TMEM179B: variants seen among roughly 807,000 people sequenced by gnomAD.
TMEM179B encodes transmembrane protein 179B.
TMEM179B carries 13 observed loss-of-function variants against 18.0 expected under a neutral mutation model. The ratio of observed to expected loss-of-function variants is 0.72; its 90% CI spans 0.47 to 1.15. The LOEUF is 1.15. Ranked by LOEUF, TMEM179B falls within the 50% of genes most tolerant of loss-of-function variation. The pLI is 0.00. For synonymous variants in TMEM179B, 159 were observed against 117.5 expected, an observed-to-expected ratio of 1.35 and a Z score of -2.29; for missense variants, 320 against 270.6, an observed-to-expected ratio of 1.18 and a Z score of -1.28.
chr11:62,789,553 G>T (rs373442238), intron 3 of TMEM179B, 48 bp from the exon 4 acceptor site: 2 of 1,556,844 alleles, frequency 1.3e-6, no homozygotes, highest in South Asian at 2.4e-5. Context: ...GGTGTGCCTC[G>T]GATATAAACT....
Position 62,787,480 on chromosome 11 carries a change from GC to G in TMEM179B, c.51del (p.Phe18SerfsTer11). On this transcript the variant is annotated frameshift_variant, in exon 1 of 5. Coordinates refer to ENST00000333449, the MANE Select transcript of TMEM179B (RefSeq NM_199337.3). LOFTEE classifies it high-confidence loss of function. ...CGTCGAGCTTGCGCTCTTTGCTGCC[GC>G]CTTCCTGTGCGGGGCCGTGGCGGCC... ...QRVELALFAA[A>X]FLCGAVAAAA... The G allele has an allele frequency of 1.9e-6, 3 of 1,578,288 alleles. No individual in the cohort carries two copies. Among genetic ancestry groups the G allele is most frequent in the Non-Finnish European group, 2.6e-6 (3 of 1,169,746 alleles).
rs772937136 is a variant in TMEM179B, at chr11:62,789,927, G to C, written c.540G>C (p.Leu180Phe). Residue 180 changes from leucine to phenylalanine, a missense_variant, in exon 5 of 5, where the codon TTG (leucine) becomes TTC (phenylalanine). Physicochemically the swap from Leu to Phe is conservative, Grantham distance 22. Transcript: ENST00000333449. ...WVNLVLWCVV[L>F]VLQVVQWKSE... is the part of the protein sequence containing the mutation. ...ATTTGGTATTGTGGTGTGTGGTCTT[G>C]GTGCTCCAGGTCGTGCAGTGGAAGT... 4 of 1,613,984 alleles carry C rather than the reference G, an allele frequency of 2.5e-6. No individual in the cohort carries two copies. Among genetic ancestry groups the C allele is most frequent in the Non-Finnish European group, 2.5e-6 (3 of 1,180,010 alleles).
In TMEM179B at chr11:62,787,491, C is replaced by T. The variant is rs1565192387; in HGVS notation, c.60C>T (p.Cys20=). The change falls in exon 1 of 5, where the codon TGC becomes TGT. Residue 20 remains cysteine (C), a synonymous_variant. Transcript: ENST00000333449. ...ELALFAAAFL[C]GAVAAAAMTR... is the part of the protein sequence containing the mutation. ...CGCTCTTTGCTGCCGCCTTCCTGTG[C>T]GGGGCCGTGGCGGCCGCGGCGATGA... 5 of 1,579,846 alleles carry T rather than the reference C, an allele frequency of 3.2e-6. No individual in the cohort carries two copies. The highest frequency in any genetic ancestry group is 2.6e-6 in the Non-Finnish European group (3 of 1,170,852).
chr11:62,787,669 G>A (rs74575252), intron 1 of TMEM179B, 142 bp downstream of exon 1: 1,505 of 1,111,748 alleles, frequency 1.4e-3, no homozygotes, highest in Admixed American at 3.2e-3. Flanking sequence ...GCCTGTACCT[G>A]AAATGCAGCG....
chr11:62,790,254 G>A lies in TMEM179B; in HGVS notation c.*207G>A, dbSNP rs2084344335. 1.7e-6 allele frequency: 1 copy of A among 599,124 alleles called. No homozygotes were observed. Among genetic ancestry groups the A allele is most frequent in the East Asian group, 3.0e-5 (1 of 32,940 alleles). 37.1% of individuals were successfully genotyped at this position (599,124 alleles called of 1,614,324 possible). ...ATTACTGTCTTCATCTTAGTAGTGA[G>A]TTTTTGATGTTAAAGTACAACTAGA... On this transcript the variant is annotated 3_prime_UTR_variant, in exon 5 of 5. Coordinates refer to ENST00000333449, the MANE Select transcript of TMEM179B (RefSeq NM_199337.3).
At position 62,789,137 on chromosome 11, in the gene TMEM179B, G is replaced by A. The variant is rs780799961; in HGVS notation, c.211G>A (p.Gly71Ser). 22 of 1,614,130 alleles carry A rather than the reference G, an allele frequency of 1.4e-5. No homozygotes were observed. The highest frequency in any genetic ancestry group is 8.8e-5 in the South Asian group (8 of 91,080). ...GTGCTACTTTGTAGCTGGGGCCTCTGGCCTCTTGGCCCTCTACTGCCTCCT... is the reference window on the plus strand; with the variant it reads ...GTGCTACTTTGTAGCTGGGGCCTCTAGCCTCTTGGCCCTCTACTGCCTCCT... ...SLCYFVAGAS[G>S]LLALYCLLLL... Residue 71 changes from glycine (G) to serine (S), a missense_variant, in exon 2 of 5, where the codon GGC (glycine) becomes AGC (serine). Transcript: ENST00000333449.
Position 62,787,445 on chromosome 11 carries a change from G to C in TMEM179B, c.14G>C (p.Trp5Ser), listed in dbSNP as rs771398878. ...GGTCAGGGCGCCATGGCGCTGTCCT[G>C]GCTGCAGCGCGTCGAGCTTGCGCTC... MALS[W>S]LQRVELALFA... The change falls in exon 1 of 5, where the codon TGG (tryptophan) becomes TCG (serine). Residue 5 changes from tryptophan to serine, a missense_variant. Physicochemically the swap from Trp to Ser is radical, Grantham distance 177. Transcript: ENST00000333449. 2 of 1,568,802 alleles carry C rather than the reference G, an allele frequency of 1.3e-6. No individual in the cohort carries two copies. Among genetic ancestry groups the C allele is most frequent in the African/African-American group, 2.7e-5 (2 of 73,712 alleles).
intron 4 of TMEM179B, 31 bp from the exon 5 acceptor site, chr11:62,789,855 C>T (rs2084337598): frequency 1.2e-6 from 2 of 1,602,748 alleles, no homozygotes; most frequent in Non-Finnish European, 1.7e-6. Flanking sequence ...AATGGTCCCA[C>T]TCCTGACGAT....
At chr11:62,787,751 G>C in intron 1 of TMEM179B, 1 of 686,382 alleles carries the variant, frequency 1.5e-6, no homozygotes, top group South Asian at 1.6e-5. Context: ...AAAGGGACGG[G>C]TCAGTAGCGT....
intron 4 of TMEM179B, 88 bp downstream of exon 4, chr11:62,789,767 G>A (rs774127515): frequency 6.6e-7 from 1 of 1,515,812 alleles, no homozygotes; most frequent in Admixed American, 2.1e-5. Flanking sequence ...TGGCCTACCA[G>A]TGAGAGGAGC....
intron 1 of TMEM179B, among the ~76,000 whole-genome samples, chr11:62,788,482 A>G (rs1025271995): frequency 6.6e-6 from 1 of 152,156 alleles, no homozygotes; most frequent in African/African-American, 2.4e-5. Context: ...TGGCAGGCGG[A>G]TCACGAGGTC....
intron 1 of TMEM179B, among the ~76,000 whole-genome samples, chr11:62,788,676 CAAAA>C (rs5792270): frequency 8.2e-6 from 1 of 122,406 alleles, no homozygotes; most frequent in African/African-American, 3.2e-5. Flanking sequence ...TGCACTCCAG[CAAAA>C]AAAAAAAAAA....
Position 62,787,525 on chromosome 11 carries a change from C to T in TMEM179B, c.94C>T (p.Gln32Ter). The change falls in exon 1 of 5, where the codon CAG becomes TAG. Residue 32 changes from glutamine to a stop codon, truncating the protein, a stop_gained and splice_region_variant. Coordinates refer to ENST00000333449, the MANE Select transcript of TMEM179B (RefSeq NM_199337.3). LOFTEE classifies it high-confidence loss of function. ...GGCGGCCGCGGCGATGACTCGGACC[C>T]AGGTGCGGCTGCGGGGCGGGGTCAG... is the stretch of plus-strand genomic sequence containing the variant. ...AVAAAAMTRT[Q>*]GSFSGRCPLY... 6.4e-7 allele frequency: 1 copy of T among 1,568,818 alleles called. No homozygotes were observed. The highest frequency in any genetic ancestry group is 2.3e-5 in the East Asian group (1 of 43,324).
At chr11:62,787,782 C>T in intron 1 of TMEM179B, 3 of 682,280 alleles carry the variant, frequency 4.4e-6, no homozygotes, top group East Asian at 5.5e-5. Flanking sequence ...TAGGTGGAGT[C>T]GGGTTTCGTG....
rs2084341192 is a variant in TMEM179B at position 62,790,084 on chromosome 11, ATGCCC to A, written c.*38_*42del. 6.4e-7 allele frequency: 1 copy of A among 1,551,678 alleles called. No individual in the cohort carries two copies. On this transcript the variant is annotated 3_prime_UTR_variant, in exon 5 of 5. Transcript: ENST00000333449. Reference sequence around the variant, plus strand: ...AGTGCTTCCTGCAGCCGAAGACTCCATGCCCAAGTGCCTGTAATCCCCCCCCTCAA... The same window carrying A: ...AGTGCTTCCTGCAGCCGAAGACTCCAAAGTGCCTGTAATCCCCCCCCTCAA...
chr11:62,788,311 G>T (rs2084313080), intron 1 of TMEM179B, among the ~76,000 whole-genome samples: 1 of 152,344 alleles, frequency 6.6e-6, no homozygotes, highest in Non-Finnish European at 1.5e-5. Context: ...GCTGAGGCAG[G>T]AGAATCGCTT....
intron 1 of TMEM179B, chr11:62,787,783 G>A (rs2084305863): frequency 2.9e-6 from 2 of 680,738 alleles, no homozygotes; most frequent in Non-Finnish European, 2.7e-6. Context: ...AGGTGGAGTC[G>A]GGTTTCGTGG....
In TMEM179B at chr11:62,789,308, C is replaced by T. The variant is rs368871721; in HGVS notation, c.301C>T (p.Arg101Cys). 13 of 1,613,902 alleles carry T rather than the reference C, an allele frequency of 8.1e-6. No homozygotes were observed. The highest frequency in any genetic ancestry group is 2.2e-5 in the South Asian group (2 of 91,070). The change falls in exon 3 of 5, where the codon CGC becomes TGC. Residue 101 changes from arginine (R) to cysteine (C), a missense_variant. Arg to Cys is a radical substitution (Grantham distance 180). Transcript: ENST00000333449. ...EDSHRGAIGLRIALAISAIAV... is the reference protein window; with the variant it reads ...EDSHRGAIGLCIALAISAIAV... Reference sequence around the variant, plus strand: ...CCCTTTCAGAGGTGCTATAGGGCTGCGCATTGCACTGGCCATCTCAGCTAT... The same window carrying T: ...CCCTTTCAGAGGTGCTATAGGGCTGTGCATTGCACTGGCCATCTCAGCTAT...
Position 62,787,514 on chromosome 11 carries a change from T to C in TMEM179B, c.83T>C (p.Met28Thr), listed in dbSNP as rs778004640. The stretch of plus-strand genomic sequence containing the variant: ...TGCGGGGCCGTGGCGGCCGCGGCGA[T>C]GACTCGGACCCAGGTGCGGCTGCGG... ...FLCGAVAAAA[M>T]TRTQGSFSGR... is the part of the protein sequence containing the mutation. The change falls in exon 1 of 5, where the codon ATG becomes ACG. Residue 28 changes from methionine (M) to threonine (T), a missense_variant. By Grantham distance (81) the Met-to-Thr change is moderately conservative (BLOSUM62 -1). Coordinates refer to ENST00000333449, the MANE Select transcript of TMEM179B (RefSeq NM_199337.3). 6.3e-7 allele frequency: 1 copy of C among 1,576,108 alleles called. No individual in the cohort carries two copies.
Sources: gnomAD v4.1 joint callset for allele counts (sites outside exome capture counted in the v4.1 genomes callset) on GRCh38, gnomAD v4.1.1 for gene constraint, MANE v1.5 for transcripts, NCBI Gene and HGNC (gene_info 2026-07-23, HGNC 2026-07-21) for gene names.